Variants in TEC observed in about 807,000 individuals in gnomAD.
TEC encodes the protein tec protein tyrosine kinase, also known as tyrosine-protein kinase Tec.
TEC carries 72 observed loss-of-function variants against 93.0 expected under a neutral mutation model. The ratio of observed to expected loss-of-function variants is 0.77; its 90% CI spans 0.64 to 0.94. The LOEUF is 0.94. TEC is among the 40% of genes least tolerant of loss of function. TEC has a pLI of 0.00. For missense variants in TEC, 630 were observed against 757.9 expected, an observed-to-expected ratio of 0.83 and a Z score of 1.98; for synonymous variants, 249 against 247.7, an observed-to-expected ratio of 1.01 and a Z score of -0.05.
chr4:48,222,319 C>G (rs1423166125), intron 2 of TEC, among the ~76,000 whole-genome samples: 26 of 152,172 alleles, frequency 1.7e-4, no homozygotes, highest in Non-Finnish European at 2.5e-4. Context: ...GTATCCCAAA[C>G]TAAGGAATTT....
chr4:48,237,244 C>T (rs538566785), intron 1 of TEC, among the ~76,000 whole-genome samples: 35 of 150,624 alleles, frequency 2.3e-4, no homozygotes, highest in Admixed American at 1.7e-3. Flanking sequence ...AGCTTGAACC[C>T]GGGAGGCAGA....
chr4:48,172,653 T>C (rs748991628), intron 3 of TEC, among the ~76,000 whole-genome samples: 1 of 126,712 alleles, frequency 7.9e-6, no homozygotes, highest in East Asian at 1.0e-3. Context: ...TGATGCTATA[T>C]ACCATTCGCA....
chr4:48,190,644 A>T (rs1178602480), intron 2 of TEC, among the ~76,000 whole-genome samples: 1 of 152,248 alleles, frequency 6.6e-6, no homozygotes, highest in African/African-American at 2.4e-5. Context: ...ATAGAGCATT[A>T]TCTGTGGATC....
intron 2 of TEC, among the ~76,000 whole-genome samples, chr4:48,186,984 A>C (rs969607823): frequency 6.6e-6 from 1 of 152,250 alleles, no homozygotes; most frequent in Non-Finnish European, 1.5e-5. Flanking sequence ...TTTTTGTCGA[A>C]TAGAAAAGGG....
At position 48,148,374 on chromosome 4, in the gene TEC, G is replaced by A. The variant is rs560155342; in HGVS notation, c.1006+1183C>T. ...TTTCATAAGTTGTGTGAAGCACTGG[G>A]CTATCCCTGCCCAGTTACATTTTTA... On this transcript the variant is annotated intron_variant, in intron 11 of 17. Transcript: ENST00000381501. Among the ~76,000 whole-genome samples the A allele has an allele frequency of 7.2e-5, 11 of 152,280 alleles. No individual in the cohort carries two copies. The South Asian group carries it at 2.1e-3, about 29-fold the overall frequency.
At chr4:48,196,739 T>C (rs182180208) in intron 2 of TEC, among the ~76,000 whole-genome samples, 2 of 152,338 alleles carry the variant, frequency 1.3e-5, no homozygotes, top group East Asian at 3.9e-4. Context: ...TTTCTAAAAT[T>C]ACAGGAGGCC....
chr4:48,204,481 T>C (rs1722637527), intron 2 of TEC, among the ~76,000 whole-genome samples: 1 of 152,204 alleles, frequency 6.6e-6, no homozygotes, highest in African/African-American at 2.4e-5. Context: ...ACGTGCCTTT[T>C]CCTTTCGCTG....
In TEC at chr4:48,192,381, T is replaced by G. The variant is rs1722122767; in HGVS notation, c.139-16195A>C. Among the ~76,000 whole-genome samples, 4 of 152,252 alleles carry G rather than the reference T, an allele frequency of 2.6e-5. 1 individual carries two copies. In the South Asian group the frequency reaches 8.3e-4, roughly 32 times the overall value. ...AGGGAGGTATGAAGATAAAGTGGCA[T>G]GAGAAAACTTTTAGGGGTTATGGGC... On this transcript the variant is annotated intron_variant, in intron 2 of 17. Coordinates refer to ENST00000381501, the MANE Select transcript of TEC (RefSeq NM_003215.3).
chr4:48,197,977 C>T (rs578126502), intron 2 of TEC, among the ~76,000 whole-genome samples: 2 of 152,342 alleles, frequency 1.3e-5, no homozygotes, highest in Non-Finnish European at 2.9e-5. Flanking sequence ...CTTATATATA[C>T]TGCCAATTCC....
intron 2 of TEC, among the ~76,000 whole-genome samples, chr4:48,200,191 G>A (rs1722452597): frequency 6.6e-6 from 1 of 151,452 alleles, no homozygotes; most frequent in South Asian, 2.1e-4. Flanking sequence ...GGATACACGG[G>A]TTCTAGAGAA....
chr4:48,222,278 GAGA>G (rs1553893319), intron 2 of TEC, among the ~76,000 whole-genome samples: 4 of 152,222 alleles, frequency 2.6e-5, no homozygotes, highest in East Asian at 1.9e-4. Context: ...GGAGGAAGAG[GAGA>G]AGAAGAAAAA....
chr4:48,162,160 G>T (rs1233315416), intron 8 of TEC, among the ~76,000 whole-genome samples: 1 of 152,148 alleles, frequency 6.6e-6, no homozygotes, highest in Non-Finnish European at 1.5e-5. Context: ...GACAGAATAG[G>T]GTCTCTGCCT....
At chr4:48,256,130 T>TG (rs946505760) in intron 1 of TEC, among the ~76,000 whole-genome samples, 5 of 152,112 alleles carry the variant, frequency 3.3e-5, no homozygotes, top group African/African-American at 7.2e-5. Context: ...ACAGTATTTC[T>TG]GGGGGAGGAG....
In TEC at chr4:48,157,103, C is replaced by T. The variant is rs190538139; in HGVS notation, c.738-369G>A. Among the ~76,000 whole-genome samples, 25 of 152,326 alleles carry T rather than the reference C, an allele frequency of 1.6e-4. No individual in the cohort carries two copies. In the East Asian group the frequency reaches 4.4e-3, roughly 27 times the overall value. ...CATAATTTATTTAAGCTCTTCTTCA[C>T]TGTTCAACATAAAAATCATTTTTAA... On this transcript the variant is annotated intron_variant, in intron 8 of 17. Transcript: ENST00000381501.
chr4:48,168,029 C>A, intron 6 of TEC, 76 bp from the exon 7 acceptor site: 1 of 1,305,254 alleles, frequency 7.7e-7, no homozygotes, highest in South Asian at 1.3e-5. Context: ...CTAAATGAGT[C>A]ATACATCACC....
intron 1 of TEC, among the ~76,000 whole-genome samples, chr4:48,244,377 CATCTT>C (rs1194760520): frequency 1.3e-5 from 2 of 152,348 alleles, no homozygotes; most frequent in South Asian, 2.1e-4. Flanking sequence ...GAGCAAGTCA[CATCTT>C]AACGTGGATG....
Position 48,139,072 on chromosome 4 carries a change from T to C in TEC, c.1536-50A>G, listed in dbSNP as rs756356535. 1.0e-5 allele frequency: 15 copies of C among 1,470,930 alleles called. No individual in the cohort carries two copies. The South Asian group carries it at 1.7e-4, about 17-fold the overall frequency. The allele number at this position is 1,470,930 out of a possible 1,614,324, so 91.1% of individuals were successfully genotyped here. ...TACACCTCTGAAGAACAATCTGTTT[T>C]TTCTACTTGCTCTTTCATTTTTTTC... On this transcript the variant is annotated intron_variant, in intron 15 of 17. Transcript: ENST00000381501.
At chr4:48,241,036 A>G (rs1577666074) in intron 1 of TEC, among the ~76,000 whole-genome samples, 2 of 152,322 alleles carry the variant, frequency 1.3e-5, no homozygotes, top group African/African-American at 2.4e-5. Context: ...ATTATCAACT[A>G]TACTCAAAAA....
At chr4:48,156,767 A>C (rs1345441633) in intron 8 of TEC, 33 bp from the exon 9 acceptor site, 1 of 1,541,876 alleles carries the variant, frequency 6.5e-7, no homozygotes, top group Non-Finnish European at 8.8e-7. Flanking sequence ...TTCAGGCCTC[A>C]GGTTTTTAGG....
Sources: allele counts gnomAD v4.1 joint callset (sites outside exome capture counted in the v4.1 genomes callset), GRCh38; gene constraint gnomAD v4.1.1; transcripts MANE v1.5; gene names NCBI Gene and HGNC (gene_info 2026-07-23, HGNC 2026-07-21).